The following PAN3 variants were observed in gnomAD, a reference collection of about 807,000 sequenced individuals.
PAN3 encodes poly(A) specific ribonuclease subunit PAN3, also known as PAN2-PAN3 deadenylation complex subunit PAN3.
In PAN3, 19 loss-of-function variants were observed where a neutral mutation model predicts 96.2. The observed-to-expected ratio is 0.20, with a 90% CI of 0.14 to 0.29. PAN3 has a LOEUF of 0.29. PAN3 is among the 10% of genes least tolerant of loss of function. PAN3 has a pLI of 1.00. For synonymous variants in PAN3, 433 were observed against 406.6 expected (o/e 1.06, Z -0.78); for missense variants, 882 against 1,108.1 (o/e 0.80, Z 2.90).
intron 1 of PAN3, among the ~76,000 whole-genome samples, chr13:28,154,342 G>A (rs76942964): frequency 2.1e-3 from 312 of 151,924 alleles, no homozygotes; most frequent in African/African-American, 7.0e-3. Context: ...GGTACCTGTC[G>A]TTAAGCCACT....
At chr13:28,211,574 G>A (rs1323663655) in intron 5 of PAN3, among the ~76,000 whole-genome samples, 2 of 152,188 alleles carry the variant, frequency 1.3e-5, no homozygotes, top group African/African-American at 4.8e-5. Context: ...AATGGTATTT[G>A]TAGATCGCCT....
chr13:28,148,363 G>A (rs1277103842), intron 1 of PAN3, among the ~76,000 whole-genome samples: 1 of 152,022 alleles, frequency 6.6e-6, no homozygotes, highest in African/African-American at 2.4e-5. Context: ...GCTCGCTGCA[G>A]CGTTGAACTC....
intron 4 of PAN3, among the ~76,000 whole-genome samples, chr13:28,189,512 G>A (rs547914473): frequency 3.8e-4 from 56 of 148,914 alleles, no homozygotes; most frequent in Admixed American, 3.1e-3. Context: ...GTGAGACCCC[G>A]TCTCAAAACA....
chr13:28,257,394 G>T (rs1885228824), intron 7 of PAN3, among the ~76,000 whole-genome samples: 1 of 151,790 alleles, frequency 6.6e-6, no homozygotes, highest in Non-Finnish European at 1.5e-5. Context: ...AAAATAAGTA[G>T]TAGATGAAGT....
At chr13:28,153,710 C>T (rs1170262954) in intron 1 of PAN3, among the ~76,000 whole-genome samples, 1 of 152,142 alleles carries the variant, frequency 6.6e-6, no homozygotes, top group Non-Finnish European at 1.5e-5. Flanking sequence ...AACTAACATA[C>T]ACACGTACAA....
chr13:28,255,520 T>C (rs1360895946), intron 6 of PAN3, among the ~76,000 whole-genome samples: 1 of 152,160 alleles, frequency 6.6e-6, no homozygotes. Flanking sequence ...AAACTCATAA[T>C]AGAGGGCGCT....
chr13:28,249,493 G>A (rs925109829), intron 6 of PAN3, among the ~76,000 whole-genome samples: 1 of 151,794 alleles, frequency 6.6e-6, no homozygotes, highest in African/African-American at 2.4e-5. Flanking sequence ...CTGTTGCCCA[G>A]GCTGGAGTAC....
chr13:28,201,175 C>T (rs1878649095), intron 5 of PAN3, among the ~76,000 whole-genome samples: 1 of 151,708 alleles, frequency 6.6e-6, no homozygotes. Context: ...GCTGGGACTG[C>T]AGGCACATAT....
chr13:28,183,049 A>G (rs1035373790), intron 4 of PAN3, among the ~76,000 whole-genome samples: 6 of 152,192 alleles, frequency 3.9e-5, no homozygotes, highest in African/African-American at 1.4e-4. Flanking sequence ...AGATAAAGTA[A>G]ATTTGGAGAA....
chr13:28,246,963 A>G (rs1884253657), intron 6 of PAN3, among the ~76,000 whole-genome samples: 1 of 152,100 alleles, frequency 6.6e-6, no homozygotes, highest in African/African-American at 2.4e-5. Context: ...ATCATATGGC[A>G]GTTCTGTTTT....
intron 6 of PAN3, among the ~76,000 whole-genome samples, chr13:28,235,696 T>TACAC (rs34812975): frequency 0.064 from 9,022 of 140,590 alleles, 309 homozygotes; most frequent in African/African-American, 0.082. Flanking sequence ...CACACACACA[T>TACAC]ACACACACAC....
intron 4 of PAN3, among the ~76,000 whole-genome samples, chr13:28,185,354 A>ATT (rs1876320153): frequency 6.6e-6 from 1 of 152,180 alleles, no homozygotes; most frequent in Admixed American, 6.5e-5. Context: ...CTAAGTAAAG[A>ATT]GTATTCGTGG....
At chr13:28,163,746 G>A (rs1451286573) in intron 1 of PAN3, among the ~76,000 whole-genome samples, 1 of 152,162 alleles carries the variant, frequency 6.6e-6, no homozygotes. Flanking sequence ...AACTGGAGGA[G>A]AAAGTTCAAT....
At chr13:28,142,051 T>G (rs1253982324) in intron 1 of PAN3, among the ~76,000 whole-genome samples, 3 of 152,244 alleles carry the variant, frequency 2.0e-5, no homozygotes, top group African/African-American at 7.2e-5. Context: ...GTGTTTGCTT[T>G]AGCTTGTCTG....
intron 6 of PAN3, among the ~76,000 whole-genome samples, chr13:28,228,300 G>C (rs1882207087): frequency 6.6e-6 from 1 of 151,946 alleles, no homozygotes; most frequent in Non-Finnish European, 1.5e-5. Context: ...TATTCTTACT[G>C]CCTTTCAGAT....
At position 28,146,558 on chromosome 13, in the gene PAN3, A is replaced by G. The variant is rs191511975; in HGVS notation, c.430+7471A>G. On this transcript the variant is annotated intron_variant, in intron 1 of 18. Transcript: ENST00000380958. ...ATGTGAGCACCCAAACCTAGATGGT[A>G]TAGCCTACTGCATGCTAGGTGATAT... Among the ~76,000 whole-genome samples, 37 of 152,314 alleles carry G rather than the reference A, an allele frequency of 2.4e-4. 1 individual carries two copies. The highest frequency in any genetic ancestry group is 2.3e-3 in the Admixed American group (35 of 15,290).
chr13:28,215,569 G>A (rs1880644465), intron 5 of PAN3: 2 of 736,334 alleles, frequency 2.7e-6, no homozygotes, highest in African/African-American at 1.7e-5. Flanking sequence ...GGCTAAATCA[G>A]TGCTGTCTAT....
chr13:28,224,826 A>ATT (rs1164373418), intron 6 of PAN3, among the ~76,000 whole-genome samples: 5 of 152,018 alleles, frequency 3.3e-5, no homozygotes, highest in Admixed American at 2.0e-4. Flanking sequence ...TTCTCACTAT[A>ATT]TTTTCCAGGC....
intron 1 of PAN3, among the ~76,000 whole-genome samples, chr13:28,162,559 A>G (rs1873009992): frequency 6.6e-6 from 1 of 151,846 alleles, no homozygotes; most frequent in Admixed American, 6.6e-5. Context: ...GGTGGCGCAC[A>G]CCTGTAGAAC....
Sources: gnomAD v4.1 joint callset for allele counts (sites outside exome capture counted in the v4.1 genomes callset) on GRCh38, gnomAD v4.1.1 for gene constraint, MANE v1.5 for transcripts, NCBI Gene and HGNC (gene_info 2026-07-23, HGNC 2026-07-21) for gene names.